MSI2: variants seen among roughly 807,000 people sequenced by gnomAD.
MSI2 encodes musashi RNA binding protein 2.
MSI2 carries 17 observed loss-of-function variants against 45.6 expected under a neutral mutation model. That is an observed-to-expected ratio of 0.37 (90% CI 0.26 to 0.56). The LOEUF (loss-of-function observed/expected upper bound fraction) is 0.56. MSI2 is among the 20% of genes least tolerant of loss of function. The probability of loss-of-function intolerance (pLI) is 0.77; values close to 1 mark genes in which losing one functional copy is unlikely to be tolerated. For missense variants in MSI2, 293 were observed against 444.2 expected (o/e 0.66, Z 3.06); for synonymous variants, 156 against 158.2 (o/e 0.99, Z 0.11).
chr17:57,465,335 TGA>T (rs1200806803), intron 6 of MSI2, among the ~76,000 whole-genome samples: 1 of 151,970 alleles, frequency 6.6e-6, no homozygotes, highest in Non-Finnish European at 1.5e-5. Flanking sequence ...GGCATTTTGT[TGA>T]GATGAGAGTC....
chr17:57,459,675 G>C (rs1010372852), intron 6 of MSI2, among the ~76,000 whole-genome samples: 5 of 152,180 alleles, frequency 3.3e-5, no homozygotes, highest in Non-Finnish European at 7.3e-5. Flanking sequence ...TGGTAAGGTA[G>C]AGTCATGCAG....
At chr17:57,299,918 C>T (rs1057128122) in intron 5 of MSI2, among the ~76,000 whole-genome samples, 2 of 152,156 alleles carry the variant, frequency 1.3e-5, no homozygotes, top group African/African-American at 4.8e-5. Flanking sequence ...TAGTGATGAC[C>T]TCTAGGGAGG....
intron 6 of MSI2, among the ~76,000 whole-genome samples, chr17:57,430,116 G>A (rs1032589902): frequency 1.3e-5 from 2 of 152,170 alleles, no homozygotes; most frequent in African/African-American, 2.4e-5. Context: ...GGAACTCCCT[G>A]CAATGTCTTG....
intron 13 of MSI2, among the ~76,000 whole-genome samples, chr17:57,678,711 C>G (rs1913416758): frequency 6.6e-6 from 1 of 152,176 alleles, no homozygotes; most frequent in South Asian, 2.1e-4. Context: ...CTGCTACCAG[C>G]CCATCCTCCC....
At chr17:57,305,579 G>T (rs1598097230) in intron 5 of MSI2, among the ~76,000 whole-genome samples, 1 of 152,226 alleles carries the variant, frequency 6.6e-6, no homozygotes, top group South Asian at 2.1e-4. Flanking sequence ...TAGGCAGCCA[G>T]TTCGGTGCGT....
intron 9 of MSI2, among the ~76,000 whole-genome samples, chr17:57,618,692 C>T (rs141800986): frequency 0.029 from 4,336 of 151,910 alleles, 208 homozygotes; most frequent in African/African-American, 0.096. Context: ...TACAGGCGCG[C>T]GCCACCACAC....
intron 6 of MSI2, among the ~76,000 whole-genome samples, chr17:57,437,750 A>G (rs2084716168): frequency 6.6e-6 from 1 of 152,208 alleles, no homozygotes. Flanking sequence ...TGTGGACCAA[A>G]CAATTCCCAA....
intron 5 of MSI2, among the ~76,000 whole-genome samples, chr17:57,363,228 A>AGACGT (rs765131671): frequency 4.0e-4 from 61 of 152,246 alleles, no homozygotes; most frequent in Non-Finnish European, 7.3e-4. Context: ...TGGACCTTGA[A>AGACGT]GACGTGCTAA....
Position 57,257,519 on chromosome 17 carries a change from A to C in MSI2, c.157A>C (p.Met53Leu). The C allele has an allele frequency of 6.2e-7, 1 of 1,604,754 alleles. No homozygotes were observed. Among genetic ancestry groups the C allele is most frequent in the Non-Finnish European group, 8.5e-7 (1 of 1,172,860 alleles). The change falls in exon 3 of 14, where the codon ATG becomes CTG. Residue 53 changes from methionine to leucine, a missense_variant. Physicochemically the swap from Met to Leu is conservative, Grantham distance 15. Transcript: ENST00000284073. ...TGGAGAAATTAGAGAATGTATGGTC[A>C]TGAGAGATCCCACTACGAAACGCTC... The part of the protein sequence containing the change: ...KFGEIRECMV[M>L]RDPTTKRSRG...
Position 57,256,691 on chromosome 17 carries a change from G to A in MSI2, c.-52G>A, listed in dbSNP as rs1397719326. 2.5e-6 allele frequency: 2 copies of A among 809,682 alleles called. No individual in the cohort carries two copies. The highest frequency in any genetic ancestry group is 6.7e-5 in the East Asian group (1 of 15,000). The allele number at this position is 809,682 out of a possible 1,614,324, so 50.2% of individuals were successfully genotyped here. A position where few individuals can be genotyped will look rare whatever the true frequency, so the allele number is the denominator to read the frequency against. Reference sequence around the variant, plus strand: ...TCGGAGCCGGCCGCCGCTCCGCTCCGATCGCTGTGGGGCTTGGTTTTTTGG... The same window carrying A: ...TCGGAGCCGGCCGCCGCTCCGCTCCAATCGCTGTGGGGCTTGGTTTTTTGG... On this transcript the variant is annotated 5_prime_UTR_variant, in exon 1 of 14. Transcript: ENST00000284073.
At chr17:57,545,862 C>T (rs754143608) in intron 7 of MSI2, among the ~76,000 whole-genome samples, 20 of 151,966 alleles carry the variant, frequency 1.3e-4, no homozygotes, top group South Asian at 4.2e-4. Flanking sequence ...GGAATAACAG[C>T]GGCCACCGGC....
intron 5 of MSI2, among the ~76,000 whole-genome samples, chr17:57,369,268 G>A (rs115213232): frequency 0.017 from 2,626 of 152,286 alleles, 75 homozygotes; most frequent in African/African-American, 0.059. Context: ...GGTGTCACTG[G>A]ACACATACCA....
At chr17:57,347,935 G>A (rs533282261) in intron 5 of MSI2, among the ~76,000 whole-genome samples, 158 of 152,310 alleles carry the variant, frequency 1.0e-3, no homozygotes, top group African/African-American at 3.0e-3. Context: ...GCGATAGAGC[G>A]GTGAGCAAGG....
At chr17:57,284,308 CCCCCTG>C (rs1909675356) in intron 5 of MSI2, among the ~76,000 whole-genome samples, 1 of 152,106 alleles carries the variant, frequency 6.6e-6, no homozygotes, top group Non-Finnish European at 1.5e-5. Flanking sequence ...CTCCTGTGTT[CCCCCTG>C]CCCCTGCCAT....
rs79652217 is a variant in MSI2 at position 57,292,672 on chromosome 17, C to A, written c.312+30480C>A. The stretch of plus-strand genomic sequence containing the variant: ...CCAAAGGATGCTGAGGCCTGGAAAC[C>A]TTGGTCTCACCTGGAGATGTGGCTC... On this transcript the variant is annotated intron_variant, in intron 5 of 13. Coordinates refer to ENST00000284073, the MANE Select transcript of MSI2 (RefSeq NM_138962.4). 9.9e-3 allele frequency among the ~76,000 whole-genome samples: 1,503 copies of A among 152,296 alleles called. 23 individuals are homozygous for A. The highest frequency in any genetic ancestry group is 0.033 in the African/African-American group (1,380 of 41,558).
At chr17:57,416,738 TA>T (rs924008964) in intron 6 of MSI2, among the ~76,000 whole-genome samples, 1 of 152,184 alleles carries the variant, frequency 6.6e-6, no homozygotes. Flanking sequence ...TCAGGTTAGT[TA>T]AGGGAGTTCC....
chr17:57,520,255 G>C (rs1348428562), intron 6 of MSI2, among the ~76,000 whole-genome samples: 1 of 152,182 alleles, frequency 6.6e-6, no homozygotes, highest in Admixed American at 6.5e-5. Context: ...CAGAATCTCT[G>C]AGCAGGAGGT....
At chr17:57,442,005 C>T (rs1442068343) in intron 6 of MSI2, among the ~76,000 whole-genome samples, 1 of 151,566 alleles carries the variant, frequency 6.6e-6, no homozygotes, top group African/African-American at 2.4e-5. Context: ...AACTGGCCTC[C>T]GCGTGGGTTC....
chr17:57,451,043 C>T (rs1420607765), intron 6 of MSI2, among the ~76,000 whole-genome samples: 2 of 152,006 alleles, frequency 1.3e-5, no homozygotes, highest in South Asian at 2.1e-4. Context: ...GAAGCTTCCT[C>T]GATTGCTCAT....
Sources: gnomAD v4.1 joint callset for allele counts (sites outside exome capture counted in the v4.1 genomes callset) on GRCh38, gnomAD v4.1.1 for gene constraint, MANE v1.5 for transcripts, NCBI Gene and HGNC (gene_info 2026-07-23, HGNC 2026-07-21) for gene names.